Variants in PDGFC observed in about 807,000 individuals in gnomAD.
PDGFC encodes platelet derived growth factor C, also known as platelet-derived growth factor C.
In PDGFC, 12 loss-of-function variants were observed where a neutral mutation model predicts 35.5. That is an observed-to-expected ratio of 0.34 (90% CI 0.22 to 0.55). The LOEUF is 0.55. Among genes scored for constraint, PDGFC ranks in the 20% least tolerant of loss-of-function variants. PDGFC has a pLI of 0.91. For synonymous variants in PDGFC, 159 were observed against 148.8 expected, an observed-to-expected ratio of 1.07 and a Z score of -0.50; for missense variants, 322 against 412.4, an observed-to-expected ratio of 0.78 and a Z score of 1.90.
chr4:156,761,690 T>C lies in PDGFC; in HGVS notation c.*1400A>G, dbSNP rs1419458581. On this transcript the variant is annotated 3_prime_UTR_variant, in exon 6 of 6. Transcript: ENST00000502773. ...TGATTCAAATAGTCACCACATAACC[T>C]AGGCACGATATTAAGCATTTTACAA... 6.6e-6 allele frequency: 1 copy of C among 152,640 alleles called. No homozygotes were observed. The highest frequency in any genetic ancestry group is 2.4e-5 in the African/African-American group (1 of 41,462). 9.5% of individuals were successfully genotyped at this position (152,640 alleles called of 1,614,324 possible). A position where few individuals can be genotyped will look rare whatever the true frequency, so the allele number is the denominator to read the frequency against.
At chr4:156,955,417 T>C (rs1378903470) in intron 1 of PDGFC, among the ~76,000 whole-genome samples, 2 of 151,926 alleles carry the variant, frequency 1.3e-5, no homozygotes, top group East Asian at 3.9e-4. Context: ...GATAACTACG[T>C]GAGGTGATGG....
chr4:156,867,362 T>TA (rs1365032590), intron 1 of PDGFC, among the ~76,000 whole-genome samples: 4 of 152,236 alleles, frequency 2.6e-5, no homozygotes, highest in Admixed American at 2.6e-4. Flanking sequence ...GACAGAGCTC[T>TA]AGGCAATAAT....
chr4:156,806,122 T>C (rs556281648), intron 3 of PDGFC, among the ~76,000 whole-genome samples: 2 of 152,206 alleles, frequency 1.3e-5, no homozygotes, highest in African/African-American at 2.4e-5. Context: ...TTCAAACAAG[T>C]ATCACTGATT....
At chr4:156,921,264 G>A (rs1448504650) in intron 1 of PDGFC, among the ~76,000 whole-genome samples, 1 of 152,124 alleles carries the variant, frequency 6.6e-6, no homozygotes, top group Admixed American at 6.5e-5. Context: ...AATTAAGGGT[G>A]GCAGGGAGAT....
At chr4:156,835,497 C>A (rs1729042127) in intron 2 of PDGFC, among the ~76,000 whole-genome samples, 1 of 152,002 alleles carries the variant, frequency 6.6e-6, no homozygotes, top group African/African-American at 2.4e-5. Flanking sequence ...ATGTTAGTGT[C>A]TCTGTATATT....
At chr4:156,964,946 A>G (rs887549402) in intron 1 of PDGFC, among the ~76,000 whole-genome samples, 3 of 152,190 alleles carry the variant, frequency 2.0e-5, no homozygotes, top group Non-Finnish European at 4.4e-5. Flanking sequence ...CAACATTTTC[A>G]AGAGTCCTTG....
intron 2 of PDGFC, among the ~76,000 whole-genome samples, chr4:156,826,275 C>A (rs1329033390): frequency 7.2e-6 from 1 of 139,610 alleles, no homozygotes; most frequent in Non-Finnish European, 1.5e-5. Context: ...TCACTGCAAC[C>A]TCTGCCTCCC....
intron 1 of PDGFC, among the ~76,000 whole-genome samples, chr4:156,936,970 A>G (rs1377529168): frequency 1.3e-5 from 2 of 152,236 alleles, no homozygotes; most frequent in Non-Finnish European, 2.9e-5. Context: ...AATGGAATTC[A>G]TGACCAGAAC....
At chr4:156,863,909 T>A (rs1729774644) in intron 1 of PDGFC, among the ~76,000 whole-genome samples, 1 of 152,180 alleles carries the variant, frequency 6.6e-6, no homozygotes, top group Non-Finnish European at 1.5e-5. Flanking sequence ...ATTCATTTAA[T>A]TATTTGATTA....
intron 5 of PDGFC, among the ~76,000 whole-genome samples, chr4:156,766,577 GC>G (rs1218321066): frequency 6.6e-6 from 1 of 152,000 alleles, no homozygotes; most frequent in African/African-American, 2.4e-5. Flanking sequence ...ATGAAAATCT[GC>G]CCTTCTGGCT....
At chr4:156,929,440 T>C (rs1731496653) in intron 1 of PDGFC, among the ~76,000 whole-genome samples, 1 of 149,454 alleles carries the variant, frequency 6.7e-6, no homozygotes, top group Admixed American at 6.7e-5. Flanking sequence ...TTTTCATAGT[T>C]CATAAAATCA....
chr4:156,792,345 A>T (rs961276769), intron 3 of PDGFC, among the ~76,000 whole-genome samples: 1 of 152,214 alleles, frequency 6.6e-6, no homozygotes, highest in African/African-American at 2.4e-5. Context: ...TGAATTAAAC[A>T]AGTAGTGTAT....
chr4:156,942,574 G>C (rs1168182896), intron 1 of PDGFC, among the ~76,000 whole-genome samples: 2 of 151,180 alleles, frequency 1.3e-5, no homozygotes, highest in African/African-American at 4.8e-5. Context: ...TAACTTACAG[G>C]CTAAATTTTG....
intron 1 of PDGFC, among the ~76,000 whole-genome samples, chr4:156,894,008 C>T (rs920462627): frequency 6.6e-6 from 1 of 152,156 alleles, no homozygotes; most frequent in African/African-American, 2.4e-5. Context: ...ATTCACCTTT[C>T]ATCCCTGACA....
At chr4:156,781,128 A>G (rs1197358321) in intron 3 of PDGFC, among the ~76,000 whole-genome samples, 3 of 152,150 alleles carry the variant, frequency 2.0e-5, no homozygotes, top group Non-Finnish European at 4.4e-5. Flanking sequence ...TCAACACATT[A>G]TTACCATTTC....
intron 1 of PDGFC, among the ~76,000 whole-genome samples, chr4:156,941,057 C>T (rs1256011288): frequency 2.0e-5 from 3 of 152,148 alleles, no homozygotes; most frequent in African/African-American, 4.8e-5. Flanking sequence ...GCATCTTCAA[C>T]AGTCTTCACA....
chr4:156,854,142 T>C (rs2111093701), intron 1 of PDGFC, among the ~76,000 whole-genome samples: 1 of 152,316 alleles, frequency 6.6e-6, no homozygotes, highest in African/African-American at 2.4e-5. Flanking sequence ...ATAATCCTTC[T>C]CATTTTGGCA....
intron 1 of PDGFC, among the ~76,000 whole-genome samples, chr4:156,862,179 C>T (rs1215111774): frequency 6.6e-6 from 1 of 152,100 alleles, no homozygotes; most frequent in Non-Finnish European, 1.5e-5. Flanking sequence ...AGCAAAGGTG[C>T]AACCATTTTA....
chr4:156,884,498 T>A (rs1730328766), intron 1 of PDGFC, among the ~76,000 whole-genome samples: 1 of 152,176 alleles, frequency 6.6e-6, no homozygotes, highest in Non-Finnish European at 1.5e-5. Flanking sequence ...CAGCCATATA[T>A]CTAACAGTTT....
Sources: gnomAD v4.1 joint callset for allele counts (sites outside exome capture counted in the v4.1 genomes callset) on GRCh38, gnomAD v4.1.1 for gene constraint, MANE v1.5 for transcripts, NCBI Gene and HGNC (gene_info 2026-07-23, HGNC 2026-07-21) for gene names.